The following C11orf65 variants were observed in gnomAD, a reference collection of about 807,000 sequenced individuals.
C11orf65 encodes the protein protein MFI.
In C11orf65, 38 loss-of-function variants were observed where a neutral mutation model predicts 35.3. The ratio of observed to expected loss-of-function variants is 1.08; its 90% CI spans 0.83 to 1.41. C11orf65 has a LOEUF of 1.41. Among genes scored for constraint, C11orf65 ranks in the 40% most tolerant of loss-of-function variants. The pLI is 0.00. For missense variants in C11orf65, 370 were observed against 367.1 expected (o/e 1.01, Z -0.06); for synonymous variants, 105 against 114.4 (o/e 0.92, Z 0.53).
At chr11:108,445,587 A>C (rs556426196) in intron 2 of C11orf65, among the ~76,000 whole-genome samples, 2 of 152,292 alleles carry the variant, frequency 1.3e-5, no homozygotes, top group African/African-American at 2.4e-5. Flanking sequence ...AAAACTAACA[A>C]ATAGAAAGGA....
chr11:108,331,375 T>A, downstream of C11orf65: 1 of 1,557,416 alleles, frequency 6.4e-7, no homozygotes, highest in Non-Finnish European at 8.7e-7. Context: ...TAAAATAACT[T>A]ACTTGCTTAG....
In C11orf65 at chr11:108,309,038, AT is replaced by A; in HGVS notation, c.673del (p.Met225TrpfsTer64). 1 of 1,522,580 alleles carries A rather than the reference AT, an allele frequency of 6.6e-7. No individual in the cohort carries two copies. The highest frequency in any genetic ancestry group is 8.8e-7 in the Non-Finnish European group (1 of 1,135,130). The allele number at this position is 1,522,580 out of a possible 1,614,324, so 94.3% of individuals were successfully genotyped here. On this transcript the variant is annotated frameshift_variant, in exon 7 of 7. Transcript: ENST00000525729. LOFTEE classifies it low-confidence loss of function (END_TRUNC). Reference sequence around the variant, plus strand: ...AGAAGATAAAAATTCTTCATATTCCATTTTAATGCTGAATAAGATCCTGAAG... The same window carrying A: ...AGAAGATAAAAATTCTTCATATTCCATTTAATGCTGAATAAGATCCTGAAG...
At chr11:108,390,394 A>G (rs2138384004) in intron 7 of C11orf65, among the ~76,000 whole-genome samples, 1 of 152,330 alleles carries the variant, frequency 6.6e-6, no homozygotes, top group Non-Finnish European at 1.5e-5. Context: ...TGGCGGGGAA[A>G]GTCTTATGTG....
intron 2 of C11orf65, among the ~76,000 whole-genome samples, chr11:108,450,967 C>G (rs188669596): frequency 9.2e-5 from 14 of 151,884 alleles, no homozygotes; most frequent in Admixed American, 2.6e-4. Flanking sequence ...GCTCTTCATG[C>G]TAAAAACTCT....
At chr11:108,380,099 T>C (rs935610628), downstream of C11orf65, among the ~76,000 whole-genome samples, 1 of 152,214 alleles carries the variant, frequency 6.6e-6, no homozygotes. Context: ...CTGATGATAC[T>C]GACTATGGTA....
downstream of C11orf65, chr11:108,327,846 A>G (rs1180697621): frequency 4.8e-6 from 5 of 1,046,836 alleles, no homozygotes; most frequent in Non-Finnish European, 7.3e-6. Flanking sequence ...TCCAAAGCAA[A>G]TAAAAGTATG....
chr11:108,308,949 C>G (rs1361359546), exon 7 of C11orf65: 3 of 1,435,520 alleles, frequency 2.1e-6, no homozygotes, highest in Non-Finnish European at 2.8e-6. Context: ...GCAGTTTTAC[C>G]TTTGAGTCAT....
downstream of C11orf65, among the ~76,000 whole-genome samples, chr11:108,329,760 C>T (rs571287941): frequency 6.6e-6 from 1 of 152,270 alleles, no homozygotes; most frequent in South Asian, 2.1e-4. Context: ...AAGATATTGA[C>T]GTGTTCTTTT....
downstream of C11orf65, among the ~76,000 whole-genome samples, chr11:108,327,110 G>A (rs1427353194): frequency 1.3e-5 from 2 of 152,182 alleles, no homozygotes; most frequent in Non-Finnish European, 1.5e-5. Flanking sequence ...TTACAGGCGT[G>A]AGCCACCACG....
intron 2 of C11orf65, among the ~76,000 whole-genome samples, chr11:108,364,098 A>G (rs2091086008): frequency 1.3e-5 from 2 of 152,248 alleles, no homozygotes; most frequent in South Asian, 4.1e-4. Context: ...AAACAGCATT[A>G]AAAAATAGAG....
chr11:108,407,829 G>A (rs1371707502), intron 3 of C11orf65, among the ~76,000 whole-genome samples: 1 of 150,204 alleles, frequency 6.7e-6, no homozygotes, highest in Non-Finnish European at 1.5e-5. Context: ...CTACTCAGGA[G>A]GCTGAGGCAG....
intron 2 of C11orf65, among the ~76,000 whole-genome samples, chr11:108,338,275 CG>C (rs2087078334): frequency 6.6e-6 from 1 of 152,114 alleles, no homozygotes; most frequent in South Asian, 2.1e-4. Flanking sequence ...CACTTAAACC[CG>C]GATGGCAGAG....
At position 108,331,867 on chromosome 11, in the gene C11orf65, C is replaced by G. The variant is rs911541230; in HGVS notation, c.300-300G>C. 5.0e-6 allele frequency: 8 copies of G among 1,612,302 alleles called. No homozygotes were observed. The highest frequency in any genetic ancestry group is 6.8e-6 in the Non-Finnish European group (8 of 1,178,808). The stretch of plus-strand genomic sequence containing the variant: ...GTTTATTTGCATAAATCTAATAGTT[C>G]TTTTCTTACAGCTAATCTCTAGAAT... On this transcript the variant is annotated intron_variant, in intron 3 of 3. Coordinates refer to the C11orf65 transcript ENST00000524755.
At chr11:108,423,043 T>C (rs976970747) in intron 3 of C11orf65, among the ~76,000 whole-genome samples, 1 of 152,222 alleles carries the variant, frequency 6.6e-6, no homozygotes, top group African/African-American at 2.4e-5. Context: ...GCACCAGCTG[T>C]GCATTCTGGC....
At chr11:108,337,829 C>T (rs1305858563) in intron 2 of C11orf65, among the ~76,000 whole-genome samples, 2 of 152,148 alleles carry the variant, frequency 1.3e-5, no homozygotes, top group Non-Finnish European at 2.9e-5. Flanking sequence ...AATTGGGTTA[C>T]AAAAGTATGG....
intron 2 of C11orf65, among the ~76,000 whole-genome samples, chr11:108,458,987 T>G (rs1591614934): frequency 6.6e-6 from 1 of 152,232 alleles, no homozygotes; most frequent in East Asian, 1.9e-4. Context: ...AGTACGAGTA[T>G]CTTTTGTTAG....
intron 2 of C11orf65, among the ~76,000 whole-genome samples, chr11:108,448,779 G>A (rs1452668024): frequency 2.0e-5 from 3 of 152,142 alleles, no homozygotes; most frequent in Admixed American, 2.0e-4. Flanking sequence ...GGAAGTTCTG[G>A]CCAGGGCAAT....
rs1064795066 is a variant in C11orf65, at chr11:108,347,350, G to A, written c.227-12058C>T. On this transcript the variant is annotated intron_variant, in intron 2 of 3. Coordinates refer to the C11orf65 transcript ENST00000524755. ...GATAAATGAGCAGTCAGCAGAACTTGTACATATAGATCTAGGTAAGTAATA... is the reference window on the plus strand; with the variant it reads ...GATAAATGAGCAGTCAGCAGAACTTATACATATAGATCTAGGTAAGTAATA... The A allele has an allele frequency of 4.4e-6, 7 of 1,603,282 alleles. No homozygotes were observed. Among genetic ancestry groups the A allele is most frequent in the Non-Finnish European group, 5.1e-6 (6 of 1,170,456 alleles).
intron 3 of C11orf65, among the ~76,000 whole-genome samples, chr11:108,414,784 A>G (rs1173677808): frequency 6.6e-6 from 1 of 152,094 alleles, no homozygotes; most frequent in Non-Finnish European, 1.5e-5. Context: ...ATAGACCAAT[A>G]TCTCTCATGA....
Sources: gnomAD v4.1 joint callset for allele counts (sites outside exome capture counted in the v4.1 genomes callset) on GRCh38, gnomAD v4.1.1 for gene constraint, MANE v1.5 for transcripts, NCBI Gene and HGNC (gene_info 2026-07-23, HGNC 2026-07-21) for gene names.